Variants in POPDC1 observed in about 807,000 individuals in gnomAD.
POPDC1 encodes the protein popeye domain cAMP effector 1.
the POPDC1 span, chr6:105,133,686 T>C: frequency 2.6e-6 from 2 of 781,796 alleles, no homozygotes; most frequent in South Asian, 1.9e-5. Context: ...GTGAATTAAA[T>C]AGACTTCTCT....
chr6:105,105,723 G>A, the POPDC1 span, among the ~76,000 whole-genome samples: 1 of 100,050 alleles, frequency 1.0e-5, no homozygotes, highest in Admixed American at 1.3e-4. Context: ...AACTTCTACA[G>A]GTTTGCCTGG....
chr6:105,103,789 G>A, the POPDC1 span, among the ~76,000 whole-genome samples: 2 of 152,122 alleles, frequency 1.3e-5, no homozygotes, highest in African/African-American at 4.8e-5. Flanking sequence ...CTATACTCTG[G>A]AGCCACAATG....
At chr6:105,136,224 T>G in the POPDC1 span, 1 of 152,348 alleles carries the variant, frequency 6.6e-6, no homozygotes, top group African/African-American at 2.4e-5. Flanking sequence ...TTTTCGCACT[T>G]ATTCATGCTT....
At chr6:105,113,744 C>T in the POPDC1 span, among the ~76,000 whole-genome samples, 79 of 151,508 alleles carry the variant, frequency 5.2e-4, no homozygotes, top group Non-Finnish European at 1.0e-3. Context: ...TCCCAGCACC[C>T]GAGGCGGGTG....
chr6:105,129,684 A>G, the POPDC1 span, among the ~76,000 whole-genome samples: 77 of 152,290 alleles, frequency 5.1e-4, 1 homozygote, highest in Non-Finnish European at 1.1e-3. Flanking sequence ...ACTACGTTTT[A>G]TTGATCTGAT....
the POPDC1 span, among the ~76,000 whole-genome samples, chr6:105,129,155 A>G: frequency 6.6e-6 from 1 of 152,194 alleles, no homozygotes; most frequent in African/African-American, 2.4e-5. Flanking sequence ...ATGTTCTCTC[A>G]TATGCTAATG....
chr6:105,124,085 T>C, the POPDC1 span, among the ~76,000 whole-genome samples: 3 of 152,254 alleles, frequency 2.0e-5, no homozygotes, highest in East Asian at 5.8e-4. Flanking sequence ...TCTGTACATA[T>C]ATACAGTATT....
At chr6:105,124,783 C>A in the POPDC1 span, 1 of 684,804 alleles carries the variant, frequency 1.5e-6, no homozygotes, top group South Asian at 1.9e-5. Context: ...AGATGATGGA[C>A]ATAACTAAAA....
At chr6:105,127,893 G>T in the POPDC1 span, among the ~76,000 whole-genome samples, 2 of 152,100 alleles carry the variant, frequency 1.3e-5, no homozygotes, top group Non-Finnish European at 2.9e-5. Context: ...CTGAGTAGCT[G>T]GGACTACAGG....
chr6:105,114,826 C>T, the POPDC1 span, among the ~76,000 whole-genome samples: 13 of 152,208 alleles, frequency 8.5e-5, no homozygotes, highest in African/African-American at 2.7e-4. Flanking sequence ...AGGTAGCTCA[C>T]AAGGGTGTTG....
the POPDC1 span, chr6:105,116,903 C>A: frequency 1.3e-6 from 2 of 1,586,696 alleles, no homozygotes; most frequent in Non-Finnish European, 1.7e-6. Context: ...GAATAAAGTA[C>A]ATCTATGTAT....
the POPDC1 span, among the ~76,000 whole-genome samples, chr6:105,123,043 T>A: frequency 1.3e-5 from 2 of 152,214 alleles, no homozygotes; most frequent in Non-Finnish European, 2.9e-5. Flanking sequence ...TGTCTAAAAG[T>A]GTTCTTTTAT....
chr6:105,108,887 A>G, the POPDC1 span, among the ~76,000 whole-genome samples: 1 of 152,258 alleles, frequency 6.6e-6, no homozygotes, highest in African/African-American at 2.4e-5. Flanking sequence ...GACCGTTTCA[A>G]AGTAAGAGAC....
At chr6:105,125,141 G>A in the POPDC1 span, among the ~76,000 whole-genome samples, 9 of 152,196 alleles carry the variant, frequency 5.9e-5, 1 homozygote, top group Middle Eastern at 3.4e-3. Flanking sequence ...TTAATAAAAC[G>A]TCAAAAATGG....
the POPDC1 span, among the ~76,000 whole-genome samples, chr6:105,129,934 T>C: frequency 6.6e-6 from 1 of 152,206 alleles, no homozygotes; most frequent in Non-Finnish European, 1.5e-5. Flanking sequence ...GGGACTACTG[T>C]AAATCAAACA....
At chr6:105,113,407 A>T in the POPDC1 span, among the ~76,000 whole-genome samples, 2 of 152,128 alleles carry the variant, frequency 1.3e-5, no homozygotes. Flanking sequence ...GCTGTTTCTC[A>T]CTAGGCCCTT....
the POPDC1 span, chr6:105,098,067 T>C: frequency 5.3e-5 from 8 of 152,216 alleles, no homozygotes; most frequent in Admixed American, 5.2e-4. Context: ...TTTGGGGTTG[T>C]ATATGGAGTA....
the POPDC1 span, among the ~76,000 whole-genome samples, chr6:105,104,927 A>G: frequency 6.6e-6 from 1 of 152,196 alleles, no homozygotes; most frequent in Non-Finnish European, 1.5e-5. Flanking sequence ...CACTTTTCAG[A>G]GCAATTCACC....
the POPDC1 span, among the ~76,000 whole-genome samples, chr6:105,107,575 A>G: frequency 1.3e-5 from 2 of 152,234 alleles, no homozygotes; most frequent in Non-Finnish European, 2.9e-5. Context: ...TAAGAAATAC[A>G]CTTTTTAAAA....
Sources: gnomAD v4.1 joint callset for allele counts (sites outside exome capture counted in the v4.1 genomes callset) on GRCh38, gnomAD v4.1.1 for gene constraint, MANE v1.5 for transcripts, NCBI Gene and HGNC (gene_info 2026-07-23, HGNC 2026-07-21) for gene names.